The following PC variants were observed in gnomAD, a reference collection of about 807,000 sequenced individuals.
PC encodes pyruvate carboxylase.
Under a neutral mutation model 107.8 loss-of-function variants are expected in PC, and 46 were observed. The ratio of observed to expected loss-of-function variants is 0.43; its 90% CI spans 0.34 to 0.55. The LOEUF (loss-of-function observed/expected upper bound fraction) is 0.55. Ranked by LOEUF, PC falls within the 20% of genes least tolerant of loss-of-function variation. PC has a pLI of 0.04. For missense variants in PC, 1,241 were observed against 1,643.1 expected, an observed-to-expected ratio of 0.76 and a Z score of 4.23; for synonymous variants, 662 against 684.7, an observed-to-expected ratio of 0.97 and a Z score of 0.52.
Position 66,866,538 on chromosome 11 carries a change from G to A in PC, c.1023-189C>T, listed in dbSNP as rs995635505. Among the ~76,000 whole-genome samples, 6 of 152,132 alleles carry A rather than the reference G, an allele frequency of 3.9e-5. No individual in the cohort carries two copies. Among genetic ancestry groups the A allele is most frequent in the African/African-American group, 2.4e-5 (1 of 41,422 alleles). On this transcript the variant is annotated intron_variant, in intron 10 of 22. Coordinates refer to ENST00000393960, the MANE Select transcript of PC (RefSeq NM_001040716.2). This position sits in a 1 kb window ranked among gnomAD's most constrained non-coding sequence, Gnocchi z 5.4. ...CTCCACCAGCCCCTGCCCTGCTCCC[G>A]CCGGGAGCCGACTAAACTACACAGT...
chr11:66,950,507 G>A (rs1949411272), intron 3 of PC, among the ~76,000 whole-genome samples: 1 of 152,192 alleles, frequency 6.6e-6, no homozygotes, highest in South Asian at 2.1e-4. Flanking sequence ...ACACAACAAA[G>A]GGCCACATCC....
At chr11:66,939,263 G>T (rs1949067638) in intron 3 of PC, among the ~76,000 whole-genome samples, 1 of 152,148 alleles carries the variant, frequency 6.6e-6, no homozygotes, top group African/African-American at 2.4e-5. Flanking sequence ...ATTGGATTGG[G>T]TATTTTAAGT....
chr11:66,849,886 C>T (rs1308124248), intron 20 of PC, 27 bp from the exon 21 acceptor site: 1 of 1,613,626 alleles, frequency 6.2e-7, no homozygotes, highest in Non-Finnish European at 8.5e-7. Context: ...AGGATCAGTC[C>T]CAAGTCCTGC....
In PC at chr11:66,850,108, G is replaced by A. The variant is rs1288499682; in HGVS notation, c.2727C>T (p.Pro909=). The A allele has an allele frequency of 1.8e-5, 29 of 1,613,632 alleles. No homozygotes were observed. Among genetic ancestry groups the A allele is most frequent in the Non-Finnish European group, 2.2e-5 (26 of 1,180,048 alleles). The change falls in exon 20 of 23, where the codon CCC becomes CCT. Residue 909 remains proline (P), a synonymous_variant. Transcript: ENST00000393960. Reference sequence around the variant, plus strand: ...CCAGGTCCCCCACGATCTTGGAGGAGGGCGTCACCTGAGGAGAAGGCCCTG... The same window carrying A: ...CCAGGTCCCCCACGATCTTGGAGGAAGGCGTCACCTGAGGAGAAGGCCCTG... The part of the protein sequence containing the change: ...QMLGDLIKVT[P]SSKIVGDLAQ...
chr11:66,935,034 C>T (rs556564481), intron 3 of PC, among the ~76,000 whole-genome samples: 182 of 152,258 alleles, frequency 1.2e-3, no homozygotes, highest in Non-Finnish European at 1.1e-3. Flanking sequence ...CATTCCCTCT[C>T]TCCCAACCAC....
chr11:66,868,371 CA>C (rs1946585580), intron 10 of PC, among the ~76,000 whole-genome samples: 1 of 152,214 alleles, frequency 6.6e-6, no homozygotes, highest in African/African-American at 2.4e-5. Flanking sequence ...ATGCCTTCAA[CA>C]AATATTAAAT....
rs554114831 is a variant in PC, at chr11:66,923,919, G to T, written c.-1+28511C>A. Among the ~76,000 whole-genome samples, 3 of 147,280 alleles carry T rather than the reference G, an allele frequency of 2.0e-5. No homozygotes were observed. The South Asian group carries it at 6.5e-4, about 32-fold the overall frequency. ...AAAAAAAAAGAGAAAAAGAAAAAAAGTGGCCAAGAAAAGTGGCTCACACCT... is the reference window on the plus strand; with the variant it reads ...AAAAAAAAAGAGAAAAAGAAAAAAATTGGCCAAGAAAAGTGGCTCACACCT... On this transcript the variant is annotated intron_variant, in intron 3 of 22. Coordinates refer to ENST00000393960, the MANE Select transcript of PC (RefSeq NM_001040716.2).
chr11:66,913,000 G>A (rs1231176927), intron 3 of PC, among the ~76,000 whole-genome samples: 3 of 152,122 alleles, frequency 2.0e-5, no homozygotes, highest in African/African-American at 4.8e-5. Flanking sequence ...CAACCCACAC[G>A]AGACCCCAAG....
intron 3 of PC, among the ~76,000 whole-genome samples, chr11:66,921,095 A>C (rs962985970): frequency 6.6e-6 from 1 of 151,694 alleles, no homozygotes; most frequent in African/African-American, 2.4e-5. Context: ...GAAATGCCTT[A>C]CTTGGCCCTT....
Position 66,858,698 on chromosome 11 carries a change from C to A in PC, c.1368+5076G>T. 1.9e-6 allele frequency: 3 copies of A among 1,550,010 alleles called. No individual in the cohort carries two copies. Among genetic ancestry groups the A allele is most frequent in the African/African-American group, 1.4e-5 (1 of 73,460 alleles). ...CTACCATGCACTGGGTCGGTCCTGA[C>A]GACCGGTTGGTTGGCAACTCCTCCC... On this transcript the variant is annotated intron_variant, in intron 12 of 22. Transcript: ENST00000393960. This position sits in a 1 kb window ranked among gnomAD's most constrained non-coding sequence, Gnocchi z 5.9.
rs1177710936 is a variant in PC, at chr11:66,944,249, C to T, written c.-1+8181G>A. Among the ~76,000 whole-genome samples the T allele has an allele frequency of 1.4e-4, 16 of 114,668 alleles. 3 individuals are homozygous for T. Among genetic ancestry groups the T allele is most frequent in the Non-Finnish European group, 1.9e-5 (1 of 51,920 alleles). The allele number at this position is 114,668 out of a possible 152,430, so 75.2% of individuals were successfully genotyped here. On this transcript the variant is annotated intron_variant, in intron 3 of 22. Transcript: ENST00000393960. ...TGAGCCGAGATTGCACCACTGCACT[C>T]CAGCCTGGGTGACAGAGCAAGACTC... is the stretch of plus-strand genomic sequence containing the variant.
chr11:66,901,293 C>T (rs1171650766), intron 3 of PC, among the ~76,000 whole-genome samples: 1 of 152,066 alleles, frequency 6.6e-6, no homozygotes. Flanking sequence ...GAGGCACAGG[C>T]GGGAGACAAG....
intron 12 of PC, chr11:66,860,489 GTGT>G: frequency 1.4e-6 from 1 of 702,840 alleles, no homozygotes. Flanking sequence ...CTAGTCTCTG[GTGT>G]TGTCTGGCTA....
chr11:66,907,766 G>A (rs563830214), intron 3 of PC: 1 of 152,396 alleles, frequency 6.6e-6, no homozygotes, highest in Admixed American at 6.5e-5. Flanking sequence ...AGGATGTGTG[G>A]GCACCCCTAC....
At chr11:66,869,097 C>T in intron 9 of PC, 133 bp from the exon 10 acceptor site, 1 of 690,878 alleles carries the variant, frequency 1.4e-6, no homozygotes, top group Non-Finnish European at 2.6e-6. Context: ...AACCCTGCCC[C>T]CACAGATGGC....
chr11:66,896,999 T>A (rs1383454408), intron 3 of PC, among the ~76,000 whole-genome samples: 1 of 152,102 alleles, frequency 6.6e-6, no homozygotes, highest in Non-Finnish European at 1.5e-5. Flanking sequence ...TGGTGCAATC[T>A]CGGCTCACTG....
At chr11:66,936,278 A>G (rs1242282001) in intron 3 of PC, among the ~76,000 whole-genome samples, 3 of 151,774 alleles carry the variant, frequency 2.0e-5, no homozygotes, top group African/African-American at 7.3e-5. Flanking sequence ...GGGGGGGGAG[A>G]GAAAAAAAGA....
Position 66,870,959 on chromosome 11 carries a change from C to A in PC, c.634-67G>T, listed in dbSNP as rs989137695. The A allele has an allele frequency of 3.5e-5, 57 of 1,605,680 alleles. 1 individual carries two copies. In the South Asian group the frequency reaches 3.7e-4, roughly 11 times the overall value. On this transcript the variant is annotated intron_variant, in intron 7 of 22. Transcript: ENST00000393960. This position sits in a 1 kb window ranked among gnomAD's most constrained non-coding sequence, Gnocchi z 6.1. ...AGCGCTACCTCTCCCCTGCCATGAA[C>A]CCCACCCACTTTCCAGATCCCTTGA...
chr11:66,933,769 C>T (rs1948923037), intron 3 of PC, among the ~76,000 whole-genome samples: 1 of 152,068 alleles, frequency 6.6e-6, no homozygotes, highest in Non-Finnish European at 1.5e-5. Context: ...TAGTCCCCAC[C>T]CAACCTCTGC....
Sources: gnomAD v4.1 joint callset for allele counts (sites outside exome capture counted in the v4.1 genomes callset) on GRCh38, gnomAD v4.1.1 for gene constraint, Gnocchi (gnomAD v3.1) non-coding constraint, MANE v1.5 for transcripts, NCBI Gene and HGNC (gene_info 2026-07-23, HGNC 2026-07-21) for gene names.